Variants in RCOR1 observed in about 807,000 individuals in gnomAD.
The protein encoded by RCOR1 is REST corepressor 1, also known as REST corepressor.
A neutral mutation model predicts 64.0 loss-of-function variants in RCOR1; 12 were observed. The observed-to-expected ratio is 0.19, with a 90% CI of 0.12 to 0.30. RCOR1 has a LOEUF of 0.30. Ranked by LOEUF, RCOR1 falls within the 10% of genes least tolerant of loss-of-function variation. The pLI is 1.00. For missense variants in RCOR1, 502 were observed against 621.2 expected, an observed-to-expected ratio of 0.81 and a Z score of 2.04; for synonymous variants, 279 against 227.2, an observed-to-expected ratio of 1.23 and a Z score of -2.05.
At chr14:102,721,231 G>A (rs368737241) in intron 9 of RCOR1, 89 bp from the exon 10 acceptor site, 41 of 1,280,894 alleles carry the variant, frequency 3.2e-5, no homozygotes, top group South Asian at 3.0e-4. Flanking sequence ...TTAAAATTCC[G>A]ATAAGAGAAA....
At chr14:102,724,061 G>C (rs749914263) in intron 11 of RCOR1, among the ~76,000 whole-genome samples, 2 of 152,070 alleles carry the variant, frequency 1.3e-5, no homozygotes, top group African/African-American at 4.8e-5. Context: ...AGCCCAGAAG[G>C]TTCTTCCGTA....
At chr14:102,622,477 A>T (rs1486918440) in intron 2 of RCOR1, among the ~76,000 whole-genome samples, 15 of 152,192 alleles carry the variant, frequency 9.9e-5, no homozygotes. Flanking sequence ...GGCAGCCGGA[A>T]GGCCAGATTC....
intron 2 of RCOR1, among the ~76,000 whole-genome samples, chr14:102,664,908 CA>C (rs1180333030): frequency 3.3e-5 from 5 of 152,140 alleles, no homozygotes; most frequent in Non-Finnish European, 2.9e-5. Context: ...TAAGATGGTA[CA>C]AAAGTGATAC....
intron 2 of RCOR1, among the ~76,000 whole-genome samples, chr14:102,634,636 GTATATATATATATA>G (rs761011160): frequency 7.9e-4 from 111 of 141,362 alleles, no homozygotes; most frequent in African/African-American, 3.1e-3. Context: ...GTGTATGTGT[GTATATATATATATA>G]TGTATATATA....
chr14:102,638,612 T>C (rs1012346791), intron 2 of RCOR1, among the ~76,000 whole-genome samples: 4 of 151,644 alleles, frequency 2.6e-5, no homozygotes, highest in African/African-American at 9.7e-5. Context: ...TTCTCAAAGG[T>C]TGGGATTACA....
rs976299059 is a variant in RCOR1 at position 102,729,583 on chromosome 14, A to C, written c.*3077A>C. On this transcript the variant is annotated 3_prime_UTR_variant, in exon 12 of 12. Coordinates refer to ENST00000262241, the MANE Select transcript of RCOR1 (RefSeq NM_015156.4). The stretch of plus-strand genomic sequence containing the variant: ...TTCAACACACAAAACAAACATGAAA[A>C]GGTAGTTAGTTGGGTTGTAACAGCT... 6.0e-6 allele frequency: 2 copies of C among 335,598 alleles called. No individual in the cohort carries two copies. The highest frequency in any genetic ancestry group is 4.2e-5 in the African/African-American group (2 of 47,442). 20.8% of individuals were successfully genotyped at this position (335,598 alleles called of 1,614,324 possible). A position where few individuals can be genotyped will look rare whatever the true frequency, so the allele number is the denominator to read the frequency against.
chr14:102,720,435 C>T (rs1452119687), intron 8 of RCOR1, among the ~76,000 whole-genome samples: 1 of 152,148 alleles, frequency 6.6e-6, no homozygotes, highest in Non-Finnish European at 1.5e-5. Context: ...AAAGTGAAGA[C>T]GTGACAGTTA....
At chr14:102,631,452 C>T (rs992496162) in intron 2 of RCOR1, among the ~76,000 whole-genome samples, 3 of 152,062 alleles carry the variant, frequency 2.0e-5, no homozygotes, top group African/African-American at 7.2e-5. Context: ...ATCCGCCTGC[C>T]TTGGCCTCCC....
intron 2 of RCOR1, among the ~76,000 whole-genome samples, chr14:102,594,299 G>A (rs1342940176): frequency 6.6e-6 from 1 of 152,216 alleles, no homozygotes; most frequent in African/African-American, 2.4e-5. Context: ...AATCCTCCAT[G>A]GTTGGAGGGC....
chr14:102,629,185 A>C (rs573851647), intron 2 of RCOR1, among the ~76,000 whole-genome samples: 1 of 152,172 alleles, frequency 6.6e-6, no homozygotes, highest in Non-Finnish European at 1.5e-5. Context: ...CCATCCACAT[A>C]GCCCATGGCC....
chr14:102,683,967 G>A (rs1449664478), intron 3 of RCOR1, among the ~76,000 whole-genome samples: 6 of 152,204 alleles, frequency 3.9e-5, no homozygotes, highest in Non-Finnish European at 8.8e-5. Context: ...TGGGTGCGCC[G>A]TGACCTGGGA....
At position 102,592,694 on chromosome 14, in the gene RCOR1, G is replaced by C. The variant is rs929046357; in HGVS notation, c.-193G>C. On this transcript the variant is annotated 5_prime_UTR_variant, in exon 1 of 12. Coordinates refer to ENST00000262241, the MANE Select transcript of RCOR1 (RefSeq NM_015156.4). ...GGCGATGAGAGCGAAAGTTGCGCTC[G>C]GCTCGTCGCTGGGGGCTTGAAGCGG... 7 of 1,227,584 alleles carry C rather than the reference G, an allele frequency of 5.7e-6. No individual in the cohort carries two copies. Among genetic ancestry groups the C allele is most frequent in the African/African-American group, 4.7e-5 (3 of 64,056 alleles). 76.0% of individuals were successfully genotyped at this position (1,227,584 alleles called of 1,614,324 possible). A position where few individuals can be genotyped will look rare whatever the true frequency, so the allele number is the denominator to read the frequency against.
At chr14:102,721,147 T>TATCG in intron 9 of RCOR1, 63 bp downstream of exon 9, 1 of 1,137,764 alleles carries the variant, frequency 8.8e-7, no homozygotes, top group Non-Finnish European at 1.3e-6. Context: ...AAGAATTTAA[T>TATCG]ATCGGTGTGA....
chr14:102,597,334 A>ATT (rs1357962993), intron 2 of RCOR1, among the ~76,000 whole-genome samples: 1 of 143,974 alleles, frequency 6.9e-6, no homozygotes, highest in African/African-American at 2.5e-5. Flanking sequence ...TTTGACTTTG[A>ATT]TTTTTTTTTT....
At chr14:102,711,333 G>A (rs1454448743) in intron 7 of RCOR1, among the ~76,000 whole-genome samples, 1 of 152,184 alleles carries the variant, frequency 6.6e-6, no homozygotes, top group Non-Finnish European at 1.5e-5. Flanking sequence ...ATTCCAGGCA[G>A]CCTTAGGGTC....
At chr14:102,600,354 C>T (rs1382838413) in intron 2 of RCOR1, among the ~76,000 whole-genome samples, 1 of 151,878 alleles carries the variant, frequency 6.6e-6, no homozygotes, top group Non-Finnish European at 1.5e-5. Context: ...GGATTACAAG[C>T]GTGAGCCACC....
intron 2 of RCOR1, among the ~76,000 whole-genome samples, chr14:102,681,598 C>T (rs1168843310): frequency 6.6e-6 from 1 of 152,234 alleles, no homozygotes; most frequent in Admixed American, 6.5e-5. Context: ...GAAGAATTAA[C>T]ATTTTAAAAG....
intron 2 of RCOR1, chr14:102,657,893 A>G: frequency 2.0e-6 from 2 of 983,436 alleles, no homozygotes; most frequent in Non-Finnish European, 2.4e-6. Flanking sequence ...GGAACAGGCC[A>G]GTTTCCCATT....
chr14:102,635,952 C>T (rs933018277), intron 2 of RCOR1, among the ~76,000 whole-genome samples: 18 of 152,082 alleles, frequency 1.2e-4, no homozygotes, highest in African/African-American at 4.3e-4. Flanking sequence ...CCCTCCCTCC[C>T]TCCCTTCTGA....
Sources: allele counts gnomAD v4.1 joint callset (sites outside exome capture counted in the v4.1 genomes callset), GRCh38; gene constraint gnomAD v4.1.1; transcripts MANE v1.5; gene names NCBI Gene and HGNC (gene_info 2026-07-23, HGNC 2026-07-21).